The following ATP10A variants were observed in gnomAD, a reference collection of about 807,000 sequenced individuals.
ATP10A encodes phospholipid-transporting ATPase VA.
Under a neutral mutation model 147.8 loss-of-function variants are expected in ATP10A, and 111 were observed. The ratio of observed to expected loss-of-function variants is 0.75; its 90% confidence interval spans 0.64 to 0.88. The LOEUF (loss-of-function observed/expected upper bound fraction) is 0.88, where lower values mean the gene tolerates loss of function less well. Ranked by LOEUF, ATP10A falls within the 40% of genes least tolerant of loss-of-function variation. The pLI is 0.00. For missense variants in ATP10A, 1,927 were observed against 1,959.0 expected, an observed-to-expected ratio of 0.98 and a Z score of 0.31; for synonymous variants, 875 against 841.6, an observed-to-expected ratio of 1.04 and a Z score of -0.69.
intron 1 of ATP10A, among the ~76,000 whole-genome samples, chr15:25,823,851 T>G (rs1235288011): frequency 6.6e-6 from 1 of 152,238 alleles, no homozygotes; most frequent in African/African-American, 2.4e-5. Flanking sequence ...AGCTACTTAC[T>G]TTCCTATGCA....
chr15:25,828,968 C>G (rs1305860520), intron 1 of ATP10A, among the ~76,000 whole-genome samples: 1 of 152,098 alleles, frequency 6.6e-6, no homozygotes, highest in East Asian at 1.9e-4. Context: ...TCCTGGCAAC[C>G]TTATTAATAA....
intron 14 of ATP10A, among the ~76,000 whole-genome samples, chr15:25,693,754 T>TC (rs1406057777): frequency 6.6e-6 from 1 of 152,160 alleles, no homozygotes; most frequent in African/African-American, 2.4e-5. Flanking sequence ...GTTACTGGCC[T>TC]CAGGGTGTGT....
intron 1 of ATP10A, among the ~76,000 whole-genome samples, chr15:25,798,210 G>A (rs976959555): frequency 3.3e-5 from 5 of 152,088 alleles, no homozygotes; most frequent in Admixed American, 1.3e-4. Context: ...GGACCCCAAA[G>A]CAACAATATC....
downstream of ATP10A, chr15:25,677,230 A>T (rs1596666492): frequency 6.6e-6 from 1 of 152,196 alleles, no homozygotes. Flanking sequence ...TGAGATAATC[A>T]TGAAGTTCGC....
At chr15:25,815,488 T>TG (rs1406323677) in intron 1 of ATP10A, among the ~76,000 whole-genome samples, 1 of 9,470 alleles carries the variant, frequency 1.1e-4, no homozygotes, top group Non-Finnish European at 3.0e-4. Context: ...GTCTATTTCA[T>TG]GGGGGTGTCG....
chr15:25,760,629 C>T (rs1888712258), intron 2 of ATP10A, among the ~76,000 whole-genome samples: 1 of 152,142 alleles, frequency 6.6e-6, no homozygotes, highest in Non-Finnish European at 1.5e-5. Flanking sequence ...GACTGAATTT[C>T]CAAAACTATA....
chr15:25,848,704 C>G (rs1159516844), intron 1 of ATP10A: 4 of 153,856 alleles, frequency 2.6e-5, no homozygotes, highest in Non-Finnish European at 4.4e-5. Flanking sequence ...ACTGGGCCCA[C>G]AATTCACTCC....
chr15:25,863,594 T>TC (rs1363331880), upstream of ATP10A: 1 of 152,378 alleles, frequency 6.6e-6, no homozygotes, highest in African/African-American at 2.4e-5. Context: ...GGCGCCCCCG[T>TC]CCCCAAGCAG....
At chr15:25,774,257 A>G (rs1213466488) in intron 2 of ATP10A, among the ~76,000 whole-genome samples, 2 of 152,192 alleles carry the variant, frequency 1.3e-5, no homozygotes, top group African/African-American at 4.8e-5. Flanking sequence ...AATTATTATC[A>G]ACTTCATGGC....
At chr15:25,809,168 C>T (rs1413612516) in intron 1 of ATP10A, among the ~76,000 whole-genome samples, 9 of 152,120 alleles carry the variant, frequency 5.9e-5, no homozygotes, top group Non-Finnish European at 1.0e-4. Context: ...TCAGGGCTCC[C>T]CAGTGGCCGC....
chr15:25,727,395 A>G, intron 3 of ATP10A, 129 bp from the exon 4 acceptor site: 2 of 846,832 alleles, frequency 2.4e-6, no homozygotes, highest in Non-Finnish European at 3.8e-6. Context: ...TGGACTGGGA[A>G]GGGTACAGGG....
chr15:25,705,560 A>C (rs571072226), intron 12 of ATP10A, among the ~76,000 whole-genome samples: 25 of 152,060 alleles, frequency 1.6e-4, no homozygotes, highest in African/African-American at 6.0e-4. Flanking sequence ...GAGGAGCTGG[A>C]ACACAGTGCC....
intron 3 of ATP10A, among the ~76,000 whole-genome samples, chr15:25,734,110 C>T (rs1887124841): frequency 6.6e-6 from 1 of 152,214 alleles, no homozygotes; most frequent in Non-Finnish European, 1.5e-5. Context: ...CTGTCCTCAC[C>T]ACACTGCTAG....
At chr15:25,864,019 T>G (rs1008153913), upstream of ATP10A, among the ~76,000 whole-genome samples, 5 of 152,134 alleles carry the variant, frequency 3.3e-5, no homozygotes, top group African/African-American at 4.8e-5. Context: ...GGTATTTGAG[T>G]GTCTGTTTCC....
intron 4 of ATP10A, 102 bp downstream of exon 4, chr15:25,727,054 TCAAA>T: frequency 2.6e-6 from 1 of 384,296 alleles, no homozygotes; most frequent in South Asian, 2.1e-5. Flanking sequence ...GAGACTCGTC[TCAAA>T]AAAAAAAAAT....
chr15:25,712,531 G>GACAA (rs199633220), intron 10 of ATP10A, among the ~76,000 whole-genome samples: 2 of 151,498 alleles, frequency 1.3e-5, no homozygotes, highest in East Asian at 3.9e-4. Context: ...TGTGGAATAA[G>GACAA]AGAGATTTTT....
intron 1 of ATP10A, among the ~76,000 whole-genome samples, chr15:25,785,796 C>T (rs896419018): frequency 6.6e-5 from 10 of 152,120 alleles, no homozygotes; most frequent in African/African-American, 2.4e-4. Flanking sequence ...CTGAAGAGGA[C>T]ATCGTTGAAT....
intron 1 of ATP10A, among the ~76,000 whole-genome samples, chr15:25,856,868 C>A (rs1198369302): frequency 6.6e-6 from 1 of 152,134 alleles, no homozygotes; most frequent in Non-Finnish European, 1.5e-5. Flanking sequence ...AGAAAAAAAA[C>A]ATGTTACCTG....
chr15:25,718,036 G>C, intron 8 of ATP10A, 146 bp downstream of exon 8: 1 of 801,222 alleles, frequency 1.2e-6, no homozygotes, highest in Non-Finnish European at 1.9e-6. Context: ...GAAAGTGTTG[G>C]CCAGAAAAGC....
Sources: allele counts gnomAD v4.1 joint callset (sites outside exome capture counted in the v4.1 genomes callset), GRCh38; gene constraint gnomAD v4.1.1; transcripts MANE v1.5; gene names NCBI Gene and HGNC (gene_info 2026-07-23, HGNC 2026-07-21).